TAFA1: variants seen among roughly 807,000 people sequenced by gnomAD.
TAFA1 encodes chemokine-like protein TAFA-1.
A neutral mutation model predicts 18.5 loss-of-function variants in TAFA1; 4 were observed. That is an observed-to-expected ratio of 0.22 (90% confidence interval 0.11 to 0.49). The LOEUF (loss-of-function observed/expected upper bound fraction) is 0.49, where lower values mean the gene tolerates loss of function less well. Ranked by LOEUF, TAFA1 falls within the 20% of genes least tolerant of loss-of-function variation. TAFA1 has a pLI of 0.98. For missense variants in TAFA1, 147 were observed against 169.0 expected, an observed-to-expected ratio of 0.87 and a Z score of 0.72; for synonymous variants, 56 against 55.2, an observed-to-expected ratio of 1.01 and a Z score of -0.06.
At chr3:68,436,185 G>A (rs566821656) in intron 3 of TAFA1, among the ~76,000 whole-genome samples, 4 of 152,194 alleles carry the variant, frequency 2.6e-5, no homozygotes, top group Non-Finnish European at 4.4e-5. Context: ...GGCATTAAAG[G>A]TGACTTATAT....
At chr3:68,245,450 C>T (rs972488050) in intron 2 of TAFA1, among the ~76,000 whole-genome samples, 1 of 152,150 alleles carries the variant, frequency 6.6e-6, no homozygotes, top group Non-Finnish European at 1.5e-5. Context: ...TTGTGATTTA[C>T]ATGTTACACC....
chr3:68,267,030 A>G (rs914239281), intron 2 of TAFA1, among the ~76,000 whole-genome samples: 1 of 152,112 alleles, frequency 6.6e-6, no homozygotes, highest in Admixed American at 6.6e-5. Flanking sequence ...CCATTGATTG[A>G]CTTCCTGCAT....
intron 2 of TAFA1, among the ~76,000 whole-genome samples, chr3:68,402,137 A>C (rs2070506294): frequency 6.6e-6 from 1 of 152,210 alleles, no homozygotes; most frequent in Non-Finnish European, 1.5e-5. Context: ...GTTTGAAATT[A>C]GTGAGCATGA....
At chr3:68,340,547 T>C (rs1320889079) in intron 2 of TAFA1, among the ~76,000 whole-genome samples, 2 of 152,178 alleles carry the variant, frequency 1.3e-5, no homozygotes, top group Non-Finnish European at 2.9e-5. Flanking sequence ...CTCTACTCCT[T>C]AGCAACTGAC....
At chr3:68,398,532 C>A (rs1471939733) in intron 2 of TAFA1, among the ~76,000 whole-genome samples, 1 of 152,174 alleles carries the variant, frequency 6.6e-6, no homozygotes, top group East Asian at 1.9e-4. Flanking sequence ...GTCTTTCCTG[C>A]ATTATTGACT....
At chr3:68,054,195 C>T (rs1383953643) in intron 2 of TAFA1, among the ~76,000 whole-genome samples, 3 of 152,080 alleles carry the variant, frequency 2.0e-5, no homozygotes, top group Admixed American at 6.6e-5. Flanking sequence ...GAAGATGAGG[C>T]CTAGTGGGAG....
At chr3:68,097,985 A>C (rs2106810781) in intron 2 of TAFA1, among the ~76,000 whole-genome samples, 1 of 152,256 alleles carries the variant, frequency 6.6e-6, no homozygotes, top group Non-Finnish European at 1.5e-5. Flanking sequence ...ATTCCTCCCA[A>C]GCCTCAGGTT....
chr3:68,396,755 TAA>T (rs2070390277), intron 2 of TAFA1, among the ~76,000 whole-genome samples: 1 of 152,244 alleles, frequency 6.6e-6, no homozygotes, highest in Non-Finnish European at 1.5e-5. Context: ...TATCCATACA[TAA>T]AGTTATCCAA....
intron 2 of TAFA1, among the ~76,000 whole-genome samples, chr3:68,339,255 G>T (rs1274910746): frequency 6.6e-6 from 1 of 152,128 alleles, no homozygotes; most frequent in Non-Finnish European, 1.5e-5. Context: ...GGCATTAAAA[G>T]AACTGAATTT....
At chr3:68,260,418 G>A (rs1242858601) in intron 2 of TAFA1, among the ~76,000 whole-genome samples, 1 of 152,016 alleles carries the variant, frequency 6.6e-6, no homozygotes, top group African/African-American at 2.4e-5. Flanking sequence ...TTGTGTCTCT[G>A]CCAGGCTTTG....
intron 2 of TAFA1, among the ~76,000 whole-genome samples, chr3:68,029,251 C>A (rs534972676): frequency 2.6e-5 from 4 of 152,242 alleles, no homozygotes; most frequent in African/African-American, 9.6e-5. Flanking sequence ...TATCAGCCCA[C>A]TACAATTATG....
At chr3:68,062,820 A>G (rs1473446204) in intron 2 of TAFA1, among the ~76,000 whole-genome samples, 1 of 152,206 alleles carries the variant, frequency 6.6e-6, no homozygotes, top group African/African-American at 2.4e-5. Flanking sequence ...GAATGAAGGG[A>G]AGAAATGCTC....
intron 2 of TAFA1, among the ~76,000 whole-genome samples, chr3:68,126,826 G>C (rs575240102): frequency 2.6e-4 from 39 of 152,306 alleles, no homozygotes; most frequent in Non-Finnish European, 4.3e-4. Context: ...GCTGACTTGA[G>C]AATGTGGGAT....
intron 2 of TAFA1, among the ~76,000 whole-genome samples, chr3:68,101,009 T>A (rs2065141196): frequency 6.6e-6 from 1 of 152,192 alleles, no homozygotes; most frequent in Non-Finnish European, 1.5e-5. Flanking sequence ...AGGTTGATTT[T>A]ATTTAATTTT....
intron 2 of TAFA1, among the ~76,000 whole-genome samples, chr3:68,016,832 G>A (rs961227133): frequency 4.6e-5 from 7 of 151,998 alleles, no homozygotes; most frequent in African/African-American, 1.7e-4. Context: ...TTATTTTTTG[G>A]TTCATAGGGC....
At chr3:68,397,825 G>A (rs1259236626) in intron 2 of TAFA1, among the ~76,000 whole-genome samples, 1 of 152,158 alleles carries the variant, frequency 6.6e-6, no homozygotes, top group African/African-American at 2.4e-5. Context: ...TCCAGCATCT[G>A]TTGTTTCCTG....
intron 2 of TAFA1, among the ~76,000 whole-genome samples, chr3:68,081,534 C>G (rs1425539281): frequency 6.6e-6 from 1 of 152,046 alleles, no homozygotes; most frequent in African/African-American, 2.4e-5. Context: ...TTCTAACAGA[C>G]AGGACCCTCA....
intron 2 of TAFA1, among the ~76,000 whole-genome samples, chr3:68,338,190 G>A (rs1459690524): frequency 6.6e-6 from 1 of 152,144 alleles, no homozygotes; most frequent in Non-Finnish European, 1.5e-5. Context: ...CTTATGTAAT[G>A]GAACTCATCC....
intron 3 of TAFA1, among the ~76,000 whole-genome samples, chr3:68,444,796 ATATATATATATAT>A (rs2071447765): frequency 7.0e-6 from 1 of 142,520 alleles, no homozygotes; most frequent in Admixed American, 7.0e-5. Flanking sequence ...ATATATATAT[ATATATATATATAT>A]ATAAAATAAA....
Sources: allele counts gnomAD v4.1 joint callset (sites outside exome capture counted in the v4.1 genomes callset), GRCh38; gene constraint gnomAD v4.1.1; transcripts MANE v1.5; gene names NCBI Gene and HGNC (gene_info 2026-07-23, HGNC 2026-07-21).